The following FRMPD4 variants were observed in gnomAD, a reference collection of about 807,000 sequenced individuals.
FRMPD4 encodes the protein FERM and PDZ domain-containing protein 4.
In FRMPD4, 22 loss-of-function variants were observed where a neutral mutation model predicts 94.1. The ratio of observed to expected loss-of-function variants is 0.23; its 90% CI spans 0.17 to 0.33. The LOEUF (loss-of-function observed/expected upper bound fraction) is 0.33. FRMPD4 is among the 10% of genes least tolerant of loss of function. The pLI is 1.00. For synonymous variants in FRMPD4, 631 were observed against 548.6 expected, an observed-to-expected ratio of 1.15 and a Z score of -2.10; for missense variants, 1,111 against 1,339.9, an observed-to-expected ratio of 0.83 and a Z score of 2.67.
At chrX:12,596,661 A>G (rs1053998750) in intron 2 of FRMPD4, among the ~76,000 whole-genome samples, 3 of 110,858 alleles carry the variant, frequency 2.7e-5, no homozygotes, top group African/African-American at 9.9e-5. Flanking sequence ...AGTGTCCAGG[A>G]AAGACCATTG....
At chrX:12,444,676 T>G (rs1313285270) in intron 1 of FRMPD4, among the ~76,000 whole-genome samples, 2 of 111,527 alleles carry the variant, frequency 1.8e-5, no homozygotes, top group Admixed American at 9.5e-5. Flanking sequence ...GACACTGACA[T>G]CTGGTGAGGG....
chrX:12,596,981 C>T (rs923435466), intron 2 of FRMPD4, among the ~76,000 whole-genome samples: 2 of 111,838 alleles, frequency 1.8e-5, no homozygotes, highest in Admixed American at 1.9e-4. Flanking sequence ...TGATAAGTCT[C>T]AATCTAAGCT....
At chrX:12,312,150 G>T (rs73496848) in intron 1 of FRMPD4, among the ~76,000 whole-genome samples, 3,097 of 99,631 alleles carry the variant, frequency 0.031, 93 homozygotes, top group African/African-American at 0.11. Flanking sequence ...TTGATTTTCT[G>T]TTAAAGGTGT....
chrX:12,475,614 G>A lies in FRMPD4; in HGVS notation c.42-23066G>A, dbSNP rs184102331. 3.9e-3 allele frequency among the ~76,000 whole-genome samples: 438 copies of A among 112,127 alleles called. 4 individuals carry two copies. Among genetic ancestry groups the A allele is most frequent in the Non-Finnish European group, 5.3e-3 (285 of 53,286 alleles). On this transcript the variant is annotated intron_variant, in intron 1 of 16. Transcript: ENST00000675598. The stretch of plus-strand genomic sequence containing the variant: ...TAAGCTGATAAGCAACTTCAGCAAA[G>A]TCTCACGATACAAAATCATTGTGCA...
At chrX:12,553,744 G>A (rs1241105544) in intron 2 of FRMPD4, among the ~76,000 whole-genome samples, 1 of 109,678 alleles carries the variant, frequency 9.1e-6, no homozygotes, top group Non-Finnish European at 1.9e-5. Flanking sequence ...TCCTGAAGCA[G>A]GTACTTCAGA....
intron 1 of FRMPD4, among the ~76,000 whole-genome samples, chrX:12,327,214 A>T (rs748455252): frequency 3.5e-4 from 39 of 112,520 alleles, no homozygotes; most frequent in Non-Finnish European, 7.3e-4. Flanking sequence ...TGGCATTTTG[A>T]ACTGAAATCT....
chrX:12,291,287 T>G (rs1464008557), intron 1 of FRMPD4, among the ~76,000 whole-genome samples: 1 of 111,835 alleles, frequency 8.9e-6, no homozygotes, highest in African/African-American at 3.3e-5. Context: ...GGTTTCTAGT[T>G]CTTCACTTTA....
intron 3 of FRMPD4, among the ~76,000 whole-genome samples, chrX:12,077,507 A>AC (rs2147479475): frequency 9.0e-6 from 1 of 111,631 alleles, no homozygotes; most frequent in East Asian, 2.8e-4. Context: ...AAACTCGTGC[A>AC]CCAGGGGTAT....
chrX:12,329,976 T>A (rs1275566003), intron 1 of FRMPD4, among the ~76,000 whole-genome samples: 1 of 110,358 alleles, frequency 9.1e-6, no homozygotes, highest in Non-Finnish European at 1.9e-5. Context: ...CCACCCCAGC[T>A]GTGAATCAGT....
At chrX:12,619,598 C>T (rs1159333465) in intron 4 of FRMPD4, among the ~76,000 whole-genome samples, 2 of 111,908 alleles carry the variant, frequency 1.8e-5, no homozygotes, top group African/African-American at 3.3e-5. Flanking sequence ...AACCACATCC[C>T]CCCGTGGAGT....
At position 12,698,785 on chromosome X, in the gene FRMPD4, GAAGT is replaced by G. The variant is rs1326951793; in HGVS notation, c.934-3086_934-3083del. Among the ~76,000 whole-genome samples, 54 of 111,442 alleles carry G rather than the reference GAAGT, an allele frequency of 4.8e-4. 3 individuals are homozygous for G. ...ATGGTCCCAGCTATGACTCTTAGGA[GAAGT>G]AATAGTGATGGCTAATCTTTATCAA... On this transcript the variant is annotated intron_variant, in intron 9 of 16. Coordinates refer to ENST00000675598, the MANE Select transcript of FRMPD4 (RefSeq NM_001368397.1).
chrX:12,265,281 G>A (rs2054254103), intron 1 of FRMPD4, among the ~76,000 whole-genome samples: 1 of 112,403 alleles, frequency 8.9e-6, no homozygotes, highest in Non-Finnish European at 1.9e-5. Context: ...GTATAGAACA[G>A]ATTTTGATGC....
chrX:12,720,762 A>G lies in FRMPD4; in HGVS notation c.4193A>G (p.Gln1398Arg), dbSNP rs1269693997. 1.9e-6 allele frequency: 2 copies of G among 1,055,177 alleles called. No homozygotes were observed. Among genetic ancestry groups the G allele is most frequent in the Non-Finnish European group, 2.4e-6 (2 of 822,674 alleles). The allele number at this position is 1,055,177 out of a possible 1,213,427, so 87.0% of individuals were successfully genotyped here. ...GGGAGCCTCAGGACACCTCCCAGCC[A>G]GAAGGCTCTGAGACATAGCAGCAGT... is the stretch of plus-strand genomic sequence containing the variant. ...RGGSLRTPPS[Q>R]KALRHSSSIL... Residue 1398 changes from glutamine (Q) to arginine (R), a missense_variant, in exon 17 of 17, where the codon CAG becomes CGG. Gln to Arg is a conservative substitution (Grantham distance 43, BLOSUM62 1). Coordinates refer to ENST00000675598, the MANE Select transcript of FRMPD4 (RefSeq NM_001368397.1).
chrX:12,506,566 C>T (rs1366587193), intron 2 of FRMPD4, among the ~76,000 whole-genome samples: 3 of 112,125 alleles, frequency 2.7e-5, no homozygotes, highest in African/African-American at 6.5e-5. Flanking sequence ...GGATTACAGG[C>T]GTGAGCCACT....
chrX:12,024,184 G>A (rs1046606131), intron 3 of FRMPD4, among the ~76,000 whole-genome samples: 1 of 111,484 alleles, frequency 9.0e-6, no homozygotes, highest in African/African-American at 3.3e-5. Flanking sequence ...CACCATGAAG[G>A]TTGAATTATA....
chrX:12,564,651 A>G (rs768835411), intron 2 of FRMPD4, among the ~76,000 whole-genome samples: 50 of 112,083 alleles, frequency 4.5e-4, no homozygotes, highest in Middle Eastern at 4.6e-3. Flanking sequence ...AATAAGCAGG[A>G]TCAACTTCCA....
chrX:12,477,293 C>T (rs891841204), intron 1 of FRMPD4, among the ~76,000 whole-genome samples: 52 of 110,321 alleles, frequency 4.7e-4, no homozygotes, highest in African/African-American at 1.5e-3. Flanking sequence ...CATCACACAC[C>T]GGGGCCTGTT....
chrX:12,188,021 A>T (rs1189895215), intron 1 of FRMPD4, among the ~76,000 whole-genome samples: 1 of 111,440 alleles, frequency 9.0e-6, no homozygotes, highest in Non-Finnish European at 1.9e-5. Context: ...GAAATGGCTC[A>T]GGTTACATTC....
chrX:11,839,803 C>T (rs531215847), intron 1 of FRMPD4, among the ~76,000 whole-genome samples: 2 of 110,019 alleles, frequency 1.8e-5, no homozygotes, highest in Non-Finnish European at 3.8e-5. Context: ...TTCCTGGCAC[C>T]GTATGTTGTA....
Sources: allele counts gnomAD v4.1 joint callset (sites outside exome capture counted in the v4.1 genomes callset), GRCh38; gene constraint gnomAD v4.1.1; transcripts MANE v1.5; gene names NCBI Gene and HGNC (gene_info 2026-07-23, HGNC 2026-07-21).